FAM13B: variants seen among roughly 807,000 people sequenced by gnomAD.
FAM13B encodes the protein family with sequence similarity 13 member B.
FAM13B carries 60 observed loss-of-function variants against 117.3 expected under a neutral mutation model. The observed-to-expected ratio is 0.51, with a 90% CI of 0.42 to 0.63. The LOEUF (loss-of-function observed/expected upper bound fraction) is 0.63, where lower values mean the gene tolerates loss of function less well. Among genes scored for constraint, FAM13B ranks in the 30% least tolerant of loss-of-function variants. FAM13B has a pLI of 0.00. For synonymous variants in FAM13B, 332 were observed against 356.1 expected, an observed-to-expected ratio of 0.93 and a Z score of 0.76; for missense variants, 972 against 1,091.9, an observed-to-expected ratio of 0.89 and a Z score of 1.55.
At chr5:137,976,218 G>A (rs937610498) in intron 10 of FAM13B, among the ~76,000 whole-genome samples, 3 of 152,044 alleles carry the variant, frequency 2.0e-5, no homozygotes, top group Non-Finnish European at 4.4e-5. Flanking sequence ...GCCTCCCAAA[G>A]TGCTGGGATT....
chr5:138,033,023 C>G lies in FAM13B; in HGVS notation c.-444G>C, dbSNP rs1468458807. Reference sequence around the variant, plus strand: ...GCGGAACAGGGGGAGAGAGTGGCGACAGAGGCGGCGGCTGAGGTGCAGAGC... The same window carrying G: ...GCGGAACAGGGGGAGAGAGTGGCGAGAGAGGCGGCGGCTGAGGTGCAGAGC... On this transcript the variant is annotated 5_prime_UTR_variant, in exon 1 of 24. Transcript: ENST00000689681. 4.1e-6 allele frequency: 4 copies of G among 986,652 alleles called. No homozygotes were observed. In the Admixed American group the frequency reaches 1.8e-4, roughly 45 times the overall value. The allele number at this position is 986,652 out of a possible 1,614,324, so 61.1% of individuals were successfully genotyped here.
At chr5:137,983,606 C>A (rs1776439105) in intron 10 of FAM13B, among the ~76,000 whole-genome samples, 1 of 152,012 alleles carries the variant, frequency 6.6e-6, no homozygotes, top group South Asian at 2.1e-4. Context: ...AACTGATAAT[C>A]CAGGAAAGGG....
chr5:137,990,935 T>C (rs1206948086), intron 7 of FAM13B, among the ~76,000 whole-genome samples: 1 of 152,186 alleles, frequency 6.6e-6, no homozygotes, highest in Non-Finnish European at 1.5e-5. Flanking sequence ...GGAAATCTAT[T>C]TAGTAATGCA....
chr5:138,001,763 T>C (rs1346450242), intron 7 of FAM13B, among the ~76,000 whole-genome samples: 1 of 152,122 alleles, frequency 6.6e-6, no homozygotes, highest in Non-Finnish European at 1.5e-5. Context: ...ACAGTGACAT[T>C]TGAGCAAAGA....
intron 10 of FAM13B, among the ~76,000 whole-genome samples, chr5:137,979,465 CA>C (rs1179719680): frequency 1.3e-5 from 2 of 152,152 alleles, no homozygotes; most frequent in African/African-American, 4.8e-5. Context: ...CCCTCTGCTT[CA>C]AAGTTTTCTA....
intron 10 of FAM13B, among the ~76,000 whole-genome samples, chr5:137,972,855 A>G (rs940474351): frequency 1.4e-4 from 21 of 152,206 alleles, no homozygotes; most frequent in African/African-American, 4.8e-4. Flanking sequence ...ACTCCCATTC[A>G]CAATTGCTTC....
rs529853612 is a variant in FAM13B, at chr5:137,970,671, G to C, written c.1180-8202C>G. The stretch of plus-strand genomic sequence containing the variant: ...ATTAAAGGGCACAGACTGGCAAATT[G>C]GACAAAGGGTCAAGACCCATCAGTG... On this transcript the variant is annotated intron_variant, in intron 10 of 23. Transcript: ENST00000689681. 1.1e-3 allele frequency among the ~76,000 whole-genome samples: 160 copies of C among 152,286 alleles called. 1 individual carries two copies. Among genetic ancestry groups the C allele is most frequent in the Non-Finnish European group, 1.9e-3 (127 of 68,032 alleles).
chr5:137,971,974 C>G (rs1342506089), intron 10 of FAM13B, among the ~76,000 whole-genome samples: 1 of 150,594 alleles, frequency 6.6e-6, no homozygotes, highest in African/African-American at 2.4e-5. Context: ...TAATCAATAG[C>G]TTACCAACCA....
chr5:138,002,184 AAG>A (rs1781435112), intron 7 of FAM13B, among the ~76,000 whole-genome samples: 1 of 152,220 alleles, frequency 6.6e-6, no homozygotes, highest in Non-Finnish European at 1.5e-5. Context: ...TATAATTTTT[AAG>A]AAACAAGAAT....
intron 4 of FAM13B, among the ~76,000 whole-genome samples, chr5:138,012,783 T>C (rs1439049802): frequency 6.6e-6 from 1 of 152,222 alleles, no homozygotes; most frequent in African/African-American, 2.4e-5. Flanking sequence ...CCGCAGGTTC[T>C]TAAAATTATT....
intron 1 of FAM13B, among the ~76,000 whole-genome samples, chr5:138,051,428 A>G (rs1308888488): frequency 1.3e-5 from 2 of 152,206 alleles, no homozygotes; most frequent in African/African-American, 2.4e-5. Context: ...GAGAATGACT[A>G]TTTGCTTAAA....
At chr5:137,970,150 C>A (rs1771608544) in intron 10 of FAM13B, among the ~76,000 whole-genome samples, 1 of 151,740 alleles carries the variant, frequency 6.6e-6, no homozygotes, top group African/African-American at 2.4e-5. Flanking sequence ...CACCAAGACA[C>A]ATAATTGTCA....
intron 7 of FAM13B, among the ~76,000 whole-genome samples, chr5:138,003,157 G>A (rs1375327059): frequency 1.3e-5 from 2 of 152,018 alleles, no homozygotes; most frequent in African/African-American, 2.4e-5. Context: ...AAAATAAGTT[G>A]CCAAATGAAT....
chr5:138,002,664 A>ATTT (rs70979561), intron 7 of FAM13B, among the ~76,000 whole-genome samples: 28 of 120,280 alleles, frequency 2.3e-4, no homozygotes, highest in East Asian at 9.5e-4. Context: ...TGTTCCCTCT[A>ATTT]TTTTTTTTTT....
intron 4 of FAM13B, among the ~76,000 whole-genome samples, chr5:138,014,789 T>C (rs9327807): frequency 0.15 from 22,233 of 152,222 alleles, 1,796 homozygotes; most frequent in Non-Finnish European, 0.18. Flanking sequence ...CTCTACACAT[T>C]TGTACCTATA....
rs1036220252 is a variant in FAM13B at position 137,940,436 on chromosome 5, C to T, written c.2691-88G>A. On this transcript the variant is annotated intron_variant, in intron 23 of 23. Transcript: ENST00000689681. Reference sequence around the variant, plus strand: ...TGTCTTAATATGAGACATACTGTTACTAAACATAAGTTCAAATAAAAAGTT... The same window carrying T: ...TGTCTTAATATGAGACATACTGTTATTAAACATAAGTTCAAATAAAAAGTT... 92 of 696,968 alleles carry T rather than the reference C, an allele frequency of 1.3e-4. No homozygotes were observed. In the African/African-American group the frequency reaches 1.7e-3, roughly 13 times the overall value. 43.2% of individuals were successfully genotyped at this position (696,968 alleles called of 1,614,324 possible).
intron 9 of FAM13B, 110 bp downstream of exon 9, chr5:137,987,345 CAAACAA>C (rs1372673411): frequency 4.2e-6 from 4 of 960,284 alleles, no homozygotes; most frequent in Non-Finnish European, 6.0e-6. Flanking sequence ...TCACTTTTCA[CAAACAA>C]CTTTCAGAAA....
Position 137,938,803 on chromosome 5 carries a change from T to A in FAM13B, c.*1422A>T, listed in dbSNP as rs968041373. 2 of 152,612 alleles carry A rather than the reference T, an allele frequency of 1.3e-5. No homozygotes were observed. Among genetic ancestry groups the A allele is most frequent in the Non-Finnish European group, 2.9e-5 (2 of 68,046 alleles). The allele number at this position is 152,612 out of a possible 1,614,324, so 9.5% of individuals were successfully genotyped here. A position where few individuals can be genotyped will look rare whatever the true frequency, so the allele number is the denominator to read the frequency against. ...CACCTTATTAAAGGATGTTGCAAAATTCCATTTTTATATGGAATAAATTGT... is the reference window on the plus strand; with the variant it reads ...CACCTTATTAAAGGATGTTGCAAAAATCCATTTTTATATGGAATAAATTGT... On this transcript the variant is annotated 3_prime_UTR_variant, in exon 24 of 24. Transcript: ENST00000689681.
chr5:137,978,780 T>C (rs17523263), intron 10 of FAM13B, among the ~76,000 whole-genome samples: 25,625 of 152,034 alleles, frequency 0.17, 2,258 homozygotes, highest in African/African-American at 0.18. Flanking sequence ...AGTCACTGCT[T>C]TGGCAATGGC....
Sources: allele counts gnomAD v4.1 joint callset (sites outside exome capture counted in the v4.1 genomes callset), GRCh38; gene constraint gnomAD v4.1.1; transcripts MANE v1.5; gene names NCBI Gene and HGNC (gene_info 2026-07-23, HGNC 2026-07-21).